The following ITGA9 variants were observed in gnomAD, a reference collection of about 807,000 sequenced individuals.
ITGA9 encodes the protein integrin alpha-9.
ITGA9 carries 56 observed loss-of-function variants against 127.8 expected under a neutral mutation model. The ratio of observed to expected loss-of-function variants is 0.44; its 90% CI spans 0.35 to 0.55. The LOEUF is 0.55. ITGA9 is among the 20% of genes least tolerant of loss of function. The pLI is 0.00. For synonymous variants in ITGA9, 508 were observed against 514.5 expected (o/e 0.99, Z 0.17); for missense variants, 1,196 against 1,347.1 (o/e 0.89, Z 1.76).
At chr3:37,633,284 A>G (rs906156838) in intron 16 of ITGA9, among the ~76,000 whole-genome samples, 2 of 152,174 alleles carry the variant, frequency 1.3e-5, no homozygotes, top group African/African-American at 2.4e-5. Flanking sequence ...TAAGATAATT[A>G]CCTGTACAGA....
At chr3:37,793,297 C>T (rs940763058) in intron 26 of ITGA9, among the ~76,000 whole-genome samples, 3 of 151,676 alleles carry the variant, frequency 2.0e-5, no homozygotes, top group African/African-American at 7.3e-5. Context: ...CCCAGTCCAT[C>T]AAAGGCTTTC....
intron 27 of ITGA9, 139 bp downstream of exon 27, chr3:37,804,081 C>G (rs1290630965): frequency 1.5e-6 from 2 of 1,313,468 alleles, no homozygotes; most frequent in Non-Finnish European, 2.2e-6. Context: ...ACCCTTCAGG[C>G]AGGGAGTGGA....
chr3:37,467,148 G>A (rs1559513330), intron 1 of ITGA9, among the ~76,000 whole-genome samples: 1 of 152,164 alleles, frequency 6.6e-6, no homozygotes, highest in Non-Finnish European at 1.5e-5. Context: ...ACGATGTTCT[G>A]TAAACACATA....
At chr3:37,567,542 C>CAT (rs1451496569) in intron 15 of ITGA9, among the ~76,000 whole-genome samples, 3 of 152,132 alleles carry the variant, frequency 2.0e-5, no homozygotes, top group Non-Finnish European at 4.4e-5. Flanking sequence ...AGTCCAAAGT[C>CAT]TCATATGAGA....
intron 15 of ITGA9, among the ~76,000 whole-genome samples, chr3:37,618,012 C>T (rs1204458263): frequency 4.6e-5 from 7 of 152,220 alleles, no homozygotes; most frequent in East Asian, 1.9e-4. Flanking sequence ...TGAGGAGCTG[C>T]GTTCCTTTGG....
At chr3:37,765,335 C>T (rs563345799) in intron 23 of ITGA9, among the ~76,000 whole-genome samples, 3 of 152,244 alleles carry the variant, frequency 2.0e-5, no homozygotes, top group East Asian at 1.9e-4. Flanking sequence ...TTATCAGAAA[C>T]GAAAGCTTCT....
At chr3:37,787,683 A>T (rs2685108) in intron 26 of ITGA9, among the ~76,000 whole-genome samples, 81,337 of 152,026 alleles carry the variant, frequency 0.54, 22,077 homozygotes, top group African/African-American at 0.59. Context: ...AACAAACACG[A>T]TCTTCCCTGC....
At chr3:37,587,308 G>A (rs927034572) in intron 15 of ITGA9, among the ~76,000 whole-genome samples, 4 of 152,158 alleles carry the variant, frequency 2.6e-5, no homozygotes, top group African/African-American at 9.7e-5. Context: ...GTTTGCTTTC[G>A]ACCTTACAGC....
chr3:37,613,270 A>G (rs1188658829), intron 15 of ITGA9, among the ~76,000 whole-genome samples: 1 of 152,160 alleles, frequency 6.6e-6, no homozygotes, highest in Non-Finnish European at 1.5e-5. Flanking sequence ...AGCTTCATCC[A>G]TGTCCCTACA....
At chr3:37,605,766 G>C (rs1463771319) in intron 15 of ITGA9, among the ~76,000 whole-genome samples, 2 of 152,170 alleles carry the variant, frequency 1.3e-5, no homozygotes, top group African/African-American at 2.4e-5. Flanking sequence ...TACAGTCCGA[G>C]ACTAAAAAGA....
intron 4 of ITGA9, among the ~76,000 whole-genome samples, chr3:37,494,254 G>A (rs146624008): frequency 1.2e-3 from 183 of 152,192 alleles, no homozygotes; most frequent in African/African-American, 4.2e-3. Flanking sequence ...CCTCTTTCTC[G>A]CACACGAGGG....
chr3:37,532,116 T>C (rs1699158250), intron 13 of ITGA9, among the ~76,000 whole-genome samples: 1 of 152,228 alleles, frequency 6.6e-6, no homozygotes, highest in Non-Finnish European at 1.5e-5. Flanking sequence ...GACTAAGGTG[T>C]TGGCCTTCTT....
chr3:37,752,766 C>G (rs1303758565), intron 23 of ITGA9, among the ~76,000 whole-genome samples: 1 of 152,218 alleles, frequency 6.6e-6, no homozygotes, highest in Non-Finnish European at 1.5e-5. Context: ...CTGCCTCTAG[C>G]TTTCACCAAA....
At chr3:37,687,968 C>T (rs183411698) in intron 18 of ITGA9, among the ~76,000 whole-genome samples, 1 of 152,300 alleles carries the variant, frequency 6.6e-6, no homozygotes, top group East Asian at 1.9e-4. Flanking sequence ...TTCCTCAGAC[C>T]CTCCAAGAGA....
chr3:37,768,090 A>G (rs1344374329), intron 23 of ITGA9, among the ~76,000 whole-genome samples: 2 of 152,176 alleles, frequency 1.3e-5, no homozygotes, highest in Admixed American at 6.5e-5. Context: ...GTGATACGTG[A>G]AAGTATTTGT....
intron 24 of ITGA9, among the ~76,000 whole-genome samples, chr3:37,779,418 C>A (rs1235702483): frequency 1.3e-5 from 2 of 152,058 alleles, no homozygotes; most frequent in East Asian, 3.9e-4. Context: ...ATTTACGTCT[C>A]TATTGTAACT....
intron 20 of ITGA9, 146 bp from the exon 21 acceptor site, chr3:37,741,584 A>T: frequency 1.4e-6 from 1 of 707,326 alleles, no homozygotes; most frequent in Non-Finnish European, 2.6e-6. Flanking sequence ...ATAGATATGT[A>T]CAGGGACCAA....
At chr3:37,558,777 C>A (rs1011771550) in intron 15 of ITGA9, among the ~76,000 whole-genome samples, 1 of 152,180 alleles carries the variant, frequency 6.6e-6, no homozygotes, top group East Asian at 1.9e-4. Context: ...CCCATGCCTT[C>A]CAGACTCCTG....
intron 15 of ITGA9, among the ~76,000 whole-genome samples, chr3:37,605,819 G>A (rs1162813784): frequency 2.0e-5 from 3 of 152,146 alleles, no homozygotes; most frequent in African/African-American, 7.2e-5. Flanking sequence ...TCTAAGGGAG[G>A]GCGGCTGGTT....
Sources: allele counts gnomAD v4.1 joint callset (sites outside exome capture counted in the v4.1 genomes callset), GRCh38; gene constraint gnomAD v4.1.1; transcripts MANE v1.5; gene names NCBI Gene and HGNC (gene_info 2026-07-23, HGNC 2026-07-21).